Variants in PCM1 observed in about 807,000 individuals in gnomAD.
The protein encoded by PCM1 is pericentriolar material 1.
PCM1 carries 157 observed loss-of-function variants against 241.9 expected under a neutral mutation model. That is an observed-to-expected ratio of 0.65 (90% CI 0.57 to 0.74). The LOEUF (loss-of-function observed/expected upper bound fraction) is 0.74, where lower values mean the gene tolerates loss of function less well. PCM1 is among the 30% of genes least tolerant of loss of function. The pLI is 0.00. For missense variants in PCM1, 3,478 were observed against 2,360.1 expected, an observed-to-expected ratio of 1.47 and a Z score of -9.81; for synonymous variants, 1,085 against 784.9, an observed-to-expected ratio of 1.38 and a Z score of -6.39.
rs34781884 is a variant in PCM1 at position 17,971,046 on chromosome 8, C to G, written c.3585-1283C>G. On this transcript the variant is annotated intron_variant, in intron 22 of 38. Coordinates refer to ENST00000325083, the MANE Select transcript of PCM1 (RefSeq NM_006197.4). ...TGTGACAGTTTTGCACAAGAGCAAC[C>G]ATAGGCAATATGTAAACATGAGTAT... 2.0e-5 allele frequency among the ~76,000 whole-genome samples: 3 copies of G among 152,282 alleles called. No homozygotes were observed. In the South Asian group the frequency reaches 6.2e-4, roughly 32 times the overall value.
chr8:17,932,026 TTATG>T (rs1563625955), intron 2 of PCM1, among the ~76,000 whole-genome samples: 2 of 152,282 alleles, frequency 1.3e-5, no homozygotes, highest in Admixed American at 1.3e-4. Flanking sequence ...TTAAAAAAAT[TTATG>T]TATAATTTTT....
At chr8:17,991,722 A>C (rs931576274) in intron 28 of PCM1, 22 bp downstream of exon 28, 13 of 1,517,712 alleles carry the variant, frequency 8.6e-6, no homozygotes, top group Non-Finnish European at 1.1e-5. Flanking sequence ...TGTTTTCGGT[A>C]GGTTTTTGGA....
chr8:17,985,593 A>G lies in PCM1; in HGVS notation c.4255A>G (p.Arg1419Gly). 1 of 1,607,686 alleles carries G rather than the reference A, an allele frequency of 6.2e-7. No homozygotes were observed. Among genetic ancestry groups the G allele is most frequent in the Non-Finnish European group, 8.5e-7 (1 of 1,176,544 alleles). ...ELQLLNTDYL[R>G]QRALYALQDI... ...GCAGCTACTAAACACAGACTACTTG[A>G]GACAGAGGGCTTTATATGCATTGCA... The change falls in exon 25 of 39, where the codon AGA (arginine) becomes GGA (glycine). Residue 1419 changes from arginine (R) to glycine (G), a missense_variant. Physicochemically the swap from Arg to Gly is moderately radical, Grantham distance 125 (BLOSUM62 -2). Transcript: ENST00000325083.
chr8:17,986,671 A>C (rs897281821), intron 26 of PCM1, among the ~76,000 whole-genome samples: 39 of 151,790 alleles, frequency 2.6e-4, no homozygotes, highest in African/African-American at 9.2e-4. Flanking sequence ...ATTGAATAAC[A>C]GTGACAGAAC....
intron 18 of PCM1, 54 bp from the exon 19 acceptor site, chr8:17,965,945 T>C: frequency 7.3e-7 from 1 of 1,373,424 alleles, no homozygotes; most frequent in East Asian, 2.3e-5. Flanking sequence ...ATTGCTGTAT[T>C]TTAAAAACCA....
At chr8:17,999,678 C>T (rs1327242601) in intron 29 of PCM1, among the ~76,000 whole-genome samples, 3 of 152,142 alleles carry the variant, frequency 2.0e-5, no homozygotes, top group African/African-American at 7.2e-5. Flanking sequence ...CTCAGTGTCC[C>T]TTTCAGCAAT....
rs948467790 is a variant in PCM1 at position 18,019,577 on chromosome 8, A to T, written c.5841+4737A>T. The stretch of plus-strand genomic sequence containing the variant: ...GGATGATGAGAGATAATGACACAGC[A>T]TCAGGCATTAGAGTCTCATAAGGAG... On this transcript the variant is annotated intron_variant, in intron 36 of 38. Transcript: ENST00000325083. Among the ~76,000 whole-genome samples, 4 of 152,344 alleles carry T rather than the reference A, an allele frequency of 2.6e-5. No homozygotes were observed. In the East Asian group the frequency reaches 5.8e-4, roughly 22 times the overall value.
At chr8:17,970,829 T>G (rs561801079) in intron 22 of PCM1, among the ~76,000 whole-genome samples, 2 of 152,286 alleles carry the variant, frequency 1.3e-5, no homozygotes, top group East Asian at 3.9e-4. Flanking sequence ...TTTTAGATAT[T>G]TGGCCTACTT....
intron 1 of PCM1, among the ~76,000 whole-genome samples, chr8:17,923,466 C>T (rs920256947): frequency 1.2e-4 from 18 of 152,228 alleles, no homozygotes; most frequent in South Asian, 4.1e-4. Flanking sequence ...CCTGCTGGCC[C>T]TGTCGGGGAG....
intron 2 of PCM1, among the ~76,000 whole-genome samples, chr8:17,931,325 C>G (rs1383088710): frequency 1.3e-5 from 2 of 151,326 alleles, no homozygotes; most frequent in African/African-American, 2.4e-5. Flanking sequence ...GAGTCTTGCT[C>G]TTGCCCAGGC....
At chr8:17,959,985 A>G in intron 13 of PCM1, 29 bp from the exon 14 acceptor site, 1 of 1,604,270 alleles carries the variant, frequency 6.2e-7, no homozygotes, top group Non-Finnish European at 8.5e-7. Context: ...AGGTATCAAG[A>G]TTGTTTTAAT....
intron 21 of PCM1, among the ~76,000 whole-genome samples, chr8:17,968,453 TGA>T (rs2075712549): frequency 6.6e-6 from 1 of 152,148 alleles, no homozygotes; most frequent in Non-Finnish European, 1.5e-5. Context: ...ATGGAAAGAA[TGA>T]TAGCTTGGCC....
intron 6 of PCM1, among the ~76,000 whole-genome samples, chr8:17,945,397 A>G (rs2063428995): frequency 6.6e-6 from 1 of 152,188 alleles, no homozygotes. Context: ...TGGCTTACCA[A>G]GATCCAGGTA....
chr8:17,991,022 A>G (rs1587982182), intron 27 of PCM1, among the ~76,000 whole-genome samples: 1 of 149,328 alleles, frequency 6.7e-6, no homozygotes, highest in African/African-American at 2.5e-5. Context: ...TTCGACTCCT[A>G]CGTATTTTCT....
intron 23 of PCM1, among the ~76,000 whole-genome samples, chr8:17,979,521 G>A (rs1245499066): frequency 1.3e-5 from 2 of 152,082 alleles, no homozygotes; most frequent in East Asian, 1.9e-4. Flanking sequence ...GGAGAGGAAC[G>A]CTCTTCTCAT....
At chr8:17,966,841 C>G in intron 20 of PCM1, 139 bp from the exon 21 acceptor site, 1 of 739,478 alleles carries the variant, frequency 1.4e-6, no homozygotes, top group East Asian at 2.7e-5. Flanking sequence ...CCTTATAGAG[C>G]AAGCACGTAT....
At chr8:17,935,773 C>G (rs567885210) in intron 3 of PCM1, 67 bp downstream of exon 3, 6 of 758,996 alleles carry the variant, frequency 7.9e-6, no homozygotes, top group Middle Eastern at 2.3e-4. Flanking sequence ...TTCCCCCTGA[C>G]CAAATTTAAC....
At chr8:18,027,023 C>T (rs1261287116) in intron 38 of PCM1, among the ~76,000 whole-genome samples, 24 of 152,192 alleles carry the variant, frequency 1.6e-4, no homozygotes, top group Admixed American at 1.6e-3. Context: ...TCTGGAGCCA[C>T]TCAATGTTTC....
intron 30 of PCM1, among the ~76,000 whole-genome samples, chr8:18,007,696 A>C (rs2091714263): frequency 1.3e-5 from 2 of 152,176 alleles, no homozygotes; most frequent in South Asian, 4.1e-4. Flanking sequence ...TATTGCCCAG[A>C]GTATTGAAAA....
Sources: allele counts gnomAD v4.1 joint callset (sites outside exome capture counted in the v4.1 genomes callset), GRCh38; gene constraint gnomAD v4.1.1; transcripts MANE v1.5; gene names NCBI Gene and HGNC (gene_info 2026-07-23, HGNC 2026-07-21).